Variants in SCAP observed in about 807,000 individuals in gnomAD.
SCAP encodes the protein SREBF chaperone, also known as sterol regulatory element-binding protein cleavage-activating protein.
SCAP carries 65 observed loss-of-function variants against 123.6 expected under a neutral mutation model. The ratio of observed to expected loss-of-function variants is 0.53; its 90% CI spans 0.43 to 0.65. The LOEUF (loss-of-function observed/expected upper bound fraction) is 0.65. Ranked by LOEUF, SCAP falls within the 30% of genes least tolerant of loss-of-function variation. SCAP has a pLI of 0.00. For synonymous variants in SCAP, 740 were observed against 726.3 expected, an observed-to-expected ratio of 1.02 and a Z score of -0.30; for missense variants, 1,398 against 1,712.5, an observed-to-expected ratio of 0.82 and a Z score of 3.24.
chr3:47,429,025 T>C lies in SCAP; in HGVS notation c.253-355A>G, dbSNP rs535560223. On this transcript the variant is annotated intron_variant, in intron 3 of 22. Coordinates refer to ENST00000265565, the MANE Select transcript of SCAP (RefSeq NM_012235.4). ...TGCACATGGGACCTGTGAGGTGGCATCAAGAGATAACTGGGCATGCTCAAA... is the reference window on the plus strand; with the variant it reads ...TGCACATGGGACCTGTGAGGTGGCACCAAGAGATAACTGGGCATGCTCAAA... 2.4e-5 allele frequency: 5 copies of C among 211,662 alleles called. No individual in the cohort carries two copies. The South Asian group carries it at 3.1e-4, about 13-fold the overall frequency. The allele number at this position is 211,662 out of a possible 1,614,324, so 13.1% of individuals were successfully genotyped here. A position where few individuals can be genotyped will look rare whatever the true frequency, so the allele number is the denominator to read the frequency against.
At chr3:47,471,187 A>G (rs1708012543) in intron 1 of SCAP, among the ~76,000 whole-genome samples, 1 of 152,186 alleles carries the variant, frequency 6.6e-6, no homozygotes, top group Non-Finnish European at 1.5e-5. Context: ...TTTAGCAAAA[A>G]TGAGTACAGA....
Position 47,419,751 on chromosome 3 carries a change from C to A in SCAP, c.1564-47G>T. On this transcript the variant is annotated intron_variant, in intron 12 of 22. Coordinates refer to ENST00000265565, the MANE Select transcript of SCAP (RefSeq NM_012235.4). The surrounding 1 kb of genome is among the most constrained non-coding windows in gnomAD (Gnocchi z 5.0). Reference sequence around the variant, plus strand: ...TCAGTGGGAGGAATGGGCCCCAACCCCCAGCAGCTTCAGCCCTCATGCTGA... The same window carrying A: ...TCAGTGGGAGGAATGGGCCCCAACCACCAGCAGCTTCAGCCCTCATGCTGA... 1.3e-6 allele frequency: 2 copies of A among 1,506,020 alleles called. No individual in the cohort carries two copies. The highest frequency in any genetic ancestry group is 1.4e-5 in the South Asian group (1 of 73,658). The allele number at this position is 1,506,020 out of a possible 1,614,324, so 93.3% of individuals were successfully genotyped here. A position where few individuals can be genotyped will look rare whatever the true frequency, so the allele number is the denominator to read the frequency against.
chr3:47,446,343 T>C (rs1427253538), intron 1 of SCAP, among the ~76,000 whole-genome samples: 3 of 152,030 alleles, frequency 2.0e-5, no homozygotes, highest in Non-Finnish European at 4.4e-5. Context: ...CCGGCTAATT[T>C]TTTATTTTTA....
chr3:47,462,753 C>CAAAAAAAA (rs369097240), intron 1 of SCAP, among the ~76,000 whole-genome samples: 9 of 79,502 alleles, frequency 1.1e-4, no homozygotes, highest in Non-Finnish European at 1.7e-4. Flanking sequence ...AACTCCGTCT[C>CAAAAAAAA]AAAAAAAAAA....
At chr3:47,435,442 A>G (rs1023584375) in intron 2 of SCAP, among the ~76,000 whole-genome samples, 1 of 150,872 alleles carries the variant, frequency 6.6e-6, no homozygotes, top group African/African-American at 2.4e-5. Flanking sequence ...AACATTATAT[A>G]TAACATTAAC....
At chr3:47,453,297 C>G (rs1427155098) in intron 1 of SCAP, among the ~76,000 whole-genome samples, 1 of 151,676 alleles carries the variant, frequency 6.6e-6, no homozygotes, top group Non-Finnish European at 1.5e-5. Flanking sequence ...AATCCCGGCA[C>G]TTTGGGAGGC....
rs35796019 is a variant in SCAP, at chr3:47,451,988, T to C, written c.-98-8897A>G. 6.8e-3 allele frequency among the ~76,000 whole-genome samples: 1,031 copies of C among 152,192 alleles called. 26 individuals carry two copies. Among genetic ancestry groups the C allele is most frequent in the South Asian group, 0.012 (60 of 4,812 alleles). ...CTGTTCCATCCTCTATTCCCTCTTCTCTTTATAGGCTGGTTCCTTTTCATT... is the reference window on the plus strand; with the variant it reads ...CTGTTCCATCCTCTATTCCCTCTTCCCTTTATAGGCTGGTTCCTTTTCATT... On this transcript the variant is annotated intron_variant, in intron 1 of 22. Coordinates refer to ENST00000265565, the MANE Select transcript of SCAP (RefSeq NM_012235.4).
At chr3:47,466,801 T>G (rs1707844610) in intron 1 of SCAP, among the ~76,000 whole-genome samples, 2 of 152,128 alleles carry the variant, frequency 1.3e-5, no homozygotes, top group South Asian at 4.1e-4. Flanking sequence ...TTAAAAACTT[T>G]TGGCCGGGCG....
In SCAP at chr3:47,439,020, T is replaced by G. The variant is rs1706697235; in HGVS notation, c.122+3852A>C. ...ATGATATTTAATATGTGCCAGGCAC[T>G]ATTCTAAGCACTTGATATGTACAGA... On this transcript the variant is annotated intron_variant, in intron 2 of 22. Coordinates refer to ENST00000265565, the MANE Select transcript of SCAP (RefSeq NM_012235.4). The surrounding 1 kb of genome is among the most constrained non-coding windows in gnomAD (Gnocchi z 4.0). Among the ~76,000 whole-genome samples the G allele has an allele frequency of 6.6e-6, 1 of 152,184 alleles. No individual in the cohort carries two copies. The highest frequency in any genetic ancestry group is 2.1e-4 in the South Asian group (1 of 4,838).
At chr3:47,458,203 C>T (rs185332987) in intron 1 of SCAP, among the ~76,000 whole-genome samples, 3 of 151,896 alleles carry the variant, frequency 2.0e-5, no homozygotes, top group Non-Finnish European at 2.9e-5. Flanking sequence ...GAGGCCAAGG[C>T]GGGTGGATCA....
At chr3:47,476,107 G>A (rs1384241877), upstream of SCAP, 1 of 151,320 alleles carries the variant, frequency 6.6e-6, no homozygotes, top group Non-Finnish European at 1.5e-5. Flanking sequence ...CGGGCCGGGC[G>A]GAGCGTGAAG....
At position 47,421,244 on chromosome 3, in the gene SCAP, T is replaced by G. The variant is rs930862118; in HGVS notation, c.1246-215A>C. 24 of 586,464 alleles carry G rather than the reference T, an allele frequency of 4.1e-5. No homozygotes were observed. The African/African-American group carries it at 4.1e-4, about 10-fold the overall frequency. The allele number at this position is 586,464 out of a possible 1,614,324, so 36.3% of individuals were successfully genotyped here. On this transcript the variant is annotated intron_variant, in intron 10 of 22. Transcript: ENST00000265565. ...GGCAGAAGAAACCCTCACACTTTCT[T>G]CAGAAAGGGCTGAAAGGGAAGGGGA...
chr3:47,428,489 G>C, intron 4 of SCAP, 24 bp downstream of exon 4: 1 of 1,611,354 alleles, frequency 6.2e-7, no homozygotes, highest in Non-Finnish European at 8.5e-7. Context: ...GATTCAGGGA[G>C]GCCAGGGTCC....
Position 47,443,046 on chromosome 3 carries a change from T to G in SCAP, c.-53A>C. On this transcript the variant is annotated 5_prime_UTR_variant, in exon 2 of 23. Transcript: ENST00000265565. ...CCCGGAAAGTGACCATGGATCACCCTGGCACACACTTGACAGCACTGACAA... is the reference window on the plus strand; with the variant it reads ...CCCGGAAAGTGACCATGGATCACCCGGGCACACACTTGACAGCACTGACAA... The G allele has an allele frequency of 6.2e-7, 1 of 1,610,944 alleles. No individual in the cohort carries two copies. The highest frequency in any genetic ancestry group is 8.5e-7 in the Non-Finnish European group (1 of 1,179,196).
intron 1 of SCAP, among the ~76,000 whole-genome samples, chr3:47,473,790 T>C (rs1708160071): frequency 6.6e-6 from 1 of 152,222 alleles, no homozygotes; most frequent in Admixed American, 6.5e-5. Flanking sequence ...TTTCCTTTTT[T>C]AGTTTATTTA....
chr3:47,422,641 CAG>C, intron 9 of SCAP, 105 bp from the exon 10 acceptor site: 2 of 910,578 alleles, frequency 2.2e-6, no homozygotes, highest in South Asian at 3.4e-5. Flanking sequence ...CAAGGCCCCC[CAG>C]CCCTTTGAAG....
At chr3:47,444,339 TAA>T (rs911584201) in intron 1 of SCAP, among the ~76,000 whole-genome samples, 1 of 152,128 alleles carries the variant, frequency 6.6e-6, no homozygotes, top group Non-Finnish European at 1.5e-5. Context: ...TGACTCCTCA[TAA>T]GTGTCAAGAT....
rs562562485 is a variant in SCAP, at chr3:47,475,823, T to TGCGGCG, written c.-129_-124dup. The TGCGGCG allele has an allele frequency of 6.5e-3, 1,032 of 158,356 alleles. 15 individuals are homozygous for TGCGGCG. Among genetic ancestry groups the TGCGGCG allele is most frequent in the Middle Eastern group, 0.015 (5 of 328 alleles). The allele number at this position is 158,356 out of a possible 1,614,324, so 9.8% of individuals were successfully genotyped here. On this transcript the variant is annotated 5_prime_UTR_variant, in exon 1 of 23. Coordinates refer to ENST00000265565, the MANE Select transcript of SCAP (RefSeq NM_012235.4). ...CCTGTGGTGGCAGCACCTCCCAAGC[T>TGCGGCG]GCGGCGGCGGCGGCGGCGGCGACGG...
chr3:47,443,081 T>C lies in SCAP; in HGVS notation c.-88A>G. On this transcript the variant is annotated 5_prime_UTR_variant, in exon 2 of 23. The change abolishes an upstream ATG in the 5' untranslated region. Coordinates refer to ENST00000265565, the MANE Select transcript of SCAP (RefSeq NM_012235.4). Reference sequence around the variant, plus strand: ...TTGACAGCACTGACAAAGAACAACATGTGCAGGTACCTGGTAAGAAGGGAG... The same window carrying C: ...TTGACAGCACTGACAAAGAACAACACGTGCAGGTACCTGGTAAGAAGGGAG... 2 of 1,590,512 alleles carry C rather than the reference T, an allele frequency of 1.3e-6. No individual in the cohort carries two copies. The highest frequency in any genetic ancestry group is 2.3e-5 in the East Asian group (1 of 44,394).
Sources: gnomAD v4.1 joint callset for allele counts (sites outside exome capture counted in the v4.1 genomes callset) on GRCh38, gnomAD v4.1.1 for gene constraint, Gnocchi (gnomAD v3.1) non-coding constraint, MANE v1.5 for transcripts, NCBI Gene and HGNC (gene_info 2026-07-23, HGNC 2026-07-21) for gene names.